The following TOP2B variants were observed in gnomAD, a reference collection of about 807,000 sequenced individuals.
TOP2B encodes DNA topoisomerase II beta, also known as DNA topoisomerase 2-beta.
A neutral mutation model predicts 193.5 loss-of-function variants in TOP2B; 51 were observed. The observed-to-expected ratio is 0.26, with a 90% CI of 0.21 to 0.33. The LOEUF (loss-of-function observed/expected upper bound fraction) is 0.33, where lower values mean the gene tolerates loss of function less well. Ranked by LOEUF, TOP2B falls within the 10% of genes least tolerant of loss-of-function variation. TOP2B has a pLI of 1.00. For missense variants in TOP2B, 1,378 were observed against 1,909.3 expected, an observed-to-expected ratio of 0.72 and a Z score of 5.19; for synonymous variants, 634 against 635.7, an observed-to-expected ratio of 1.00 and a Z score of 0.04.
intron 4 of TOP2B, among the ~76,000 whole-genome samples, chr3:25,639,157 T>C (rs1703186763): frequency 6.6e-6 from 1 of 152,208 alleles, no homozygotes; most frequent in South Asian, 2.1e-4. Flanking sequence ...TATACTATGA[T>C]TCCGTTTGTT....
chr3:25,601,365 G>A, intron 33 of TOP2B, 140 bp from the exon 34 acceptor site: 1 of 1,052,688 alleles, frequency 9.5e-7, no homozygotes, highest in African/African-American at 1.6e-5. Flanking sequence ...CACCTGTAAT[G>A]CCAGCACTCT....
At chr3:25,601,941 C>T (rs1395951302) in intron 33 of TOP2B, among the ~76,000 whole-genome samples, 1 of 151,988 alleles carries the variant, frequency 6.6e-6, no homozygotes, top group Non-Finnish European at 1.5e-5. Context: ...GAATAGAAAC[C>T]AACTCACTTC....
intron 32 of TOP2B, among the ~76,000 whole-genome samples, chr3:25,605,677 C>G (rs917022864): frequency 4.6e-5 from 7 of 152,050 alleles, no homozygotes; most frequent in Non-Finnish European, 1.0e-4. Flanking sequence ...CACTGGTGCC[C>G]TTACAGATTT....
In TOP2B at chr3:25,643,725, T is replaced by C. The variant is rs1424277978; in HGVS notation, c.300A>G (p.Pro100=). 6.2e-7 allele frequency: 1 copy of C among 1,613,306 alleles called. No homozygotes were observed. Among genetic ancestry groups the C allele is most frequent in the Non-Finnish European group, 8.5e-7 (1 of 1,179,592 alleles). Residue 100 remains proline (P), a synonymous_variant, in exon 3 of 36, where the codon CCA becomes CCG. Transcript: ENST00000264331. ...GMNCREVTFV[P]GLYKIFDEIL... is the part of the protein sequence containing the mutation. ...TTTCATCAAAGATCTTGTATAAACC[T>C]GGCACAAAGGTAACCTCCCTGCAAT... is the stretch of plus-strand genomic sequence containing the variant.
rs980344015 is a variant in TOP2B, at chr3:25,612,624, T to C, written c.3677A>G (p.Lys1226Arg). The C allele has an allele frequency of 1.4e-5, 22 of 1,613,680 alleles. No individual in the cohort carries two copies. The highest frequency in any genetic ancestry group is 1.7e-5 in the Admixed American group (1 of 60,006). The change falls in exon 28 of 36, where the codon AAG becomes AGG. Residue 1226 changes from lysine to arginine, a missense_variant. By Grantham distance (26) the Lys-to-Arg change is conservative. This residue lies in a region of TOP2B where 556 missense variants were observed against 584.2 expected (regional missense o/e 0.95). Coordinates refer to ENST00000264331, the MANE Select transcript of TOP2B (RefSeq NM_001330700.2). ...CATTGTCTCTTCCAACTGGAGTTTC[T>C]TCACCTTAGGTTTGCCAACTTTACC... ...IKGKVGKPKVKKLQLEETMPS... is the reference protein window; with the variant it reads ...IKGKVGKPKVRKLQLEETMPS...
chr3:25,599,155 G>GAC (rs1702019304), intron 35 of TOP2B, among the ~76,000 whole-genome samples: 4 of 152,076 alleles, frequency 2.6e-5, no homozygotes, highest in African/African-American at 9.7e-5. Context: ...TAATATTTTA[G>GAC]TCTGAAAGAG....
chr3:25,626,131 T>G (rs1026968950), intron 18 of TOP2B, among the ~76,000 whole-genome samples: 11 of 152,152 alleles, frequency 7.2e-5, no homozygotes, highest in Non-Finnish European at 1.5e-4. Context: ...TAAATTTTTT[T>G]CAAATTAGAA....
chr3:25,626,846 T>C lies in TOP2B; in HGVS notation c.2035A>G (p.Ile679Val). ...AITLAFSKKK[I>V]DDRKEWLTNF... ...GTTAACCATTCTTTTCTGTCATCAA[T>C]CTTCTTCTTACTAAATGCCTGAAAG... is the stretch of plus-strand genomic sequence containing the variant. Residue 679 changes from isoleucine to valine, a missense_variant, in exon 17 of 36, where the codon ATT becomes GTT. Physicochemically the swap from Ile to Val is conservative, Grantham distance 29. Around this residue, in one of 9 missense-constraint regions of TOP2B, gnomAD observed 379 missense variants for 615.1 expected, o/e 0.62. Coordinates refer to ENST00000264331, the MANE Select transcript of TOP2B (RefSeq NM_001330700.2). 6.3e-7 allele frequency: 1 copy of C among 1,598,130 alleles called. No homozygotes were observed. The highest frequency in any genetic ancestry group is 8.5e-7 in the Non-Finnish European group (1 of 1,173,050).
chr3:25,664,417 G>T lies in TOP2B; in HGVS notation c.-120C>A. ...CACTCGCCGCACTCCTAGCCGCGCC[G>T]ACCCCCGCGCCCCATCGCGAAGATC... On this transcript the variant is annotated 5_prime_UTR_variant, in exon 1 of 36. Coordinates refer to ENST00000264331, the MANE Select transcript of TOP2B (RefSeq NM_001330700.2). 7.8e-7 allele frequency: 1 copy of T among 1,285,782 alleles called. No individual in the cohort carries two copies. The highest frequency in any genetic ancestry group is 9.8e-7 in the Non-Finnish European group (1 of 1,022,690). 79.6% of individuals were successfully genotyped at this position (1,285,782 alleles called of 1,614,324 possible). A position where few individuals can be genotyped will look rare whatever the true frequency, so the allele number is the denominator to read the frequency against.
At chr3:25,654,913 G>C (rs1703702252) in intron 1 of TOP2B, among the ~76,000 whole-genome samples, 1 of 152,092 alleles carries the variant, frequency 6.6e-6, no homozygotes, top group Admixed American at 6.5e-5. Context: ...AATTAACATA[G>C]ATTAAAGACC....
chr3:25,645,212 G>A (rs1703381881), intron 2 of TOP2B, 88 bp downstream of exon 2: 1 of 1,219,506 alleles, frequency 8.2e-7, no homozygotes, highest in African/African-American at 1.5e-5. Context: ...AATTTCCAAA[G>A]CAAGTAATTA....
chr3:25,612,383 G>A lies in TOP2B; in HGVS notation c.3786+132C>T, dbSNP rs76516910. On this transcript the variant is annotated intron_variant, in intron 28 of 35. Transcript: ENST00000264331. ...CTATAGATCAACTGCTGTCATAGAA[G>A]GATTTCCTATTACCATTGAAATATA... The A allele has an allele frequency of 1.9e-3, 1,185 of 636,364 alleles. 12 individuals are homozygous for A. The African/African-American group carries it at 0.02, about 11-fold the overall frequency. 39.4% of individuals were successfully genotyped at this position (636,364 alleles called of 1,614,324 possible). A position where few individuals can be genotyped will look rare whatever the true frequency, so the allele number is the denominator to read the frequency against.
intron 33 of TOP2B, among the ~76,000 whole-genome samples, chr3:25,601,824 G>C (rs1003084741): frequency 6.6e-6 from 1 of 152,104 alleles, no homozygotes; most frequent in African/African-American, 2.4e-5. Flanking sequence ...CATGACAAAA[G>C]AGTAGCATAT....
At chr3:25,617,747 TTTTC>T (rs1702543057) in intron 25 of TOP2B, among the ~76,000 whole-genome samples, 1 of 152,184 alleles carries the variant, frequency 6.6e-6, no homozygotes, top group South Asian at 2.1e-4. Context: ...TTGCTTAAAT[TTTTC>T]TTTTAGTTAT....
intron 6 of TOP2B, among the ~76,000 whole-genome samples, chr3:25,636,765 C>T (rs548235127): frequency 2.6e-5 from 4 of 151,910 alleles, no homozygotes; most frequent in East Asian, 1.9e-4. Flanking sequence ...ACTTCAACAA[C>T]GGGGTTGCTG....
intron 2 of TOP2B, 25 bp from the exon 3 acceptor site, chr3:25,643,809 T>A: frequency 2.6e-6 from 4 of 1,552,398 alleles, no homozygotes; most frequent in Non-Finnish European, 3.6e-6. Context: ...TCAAAAAAAA[T>A]TTTACTCAAT....
chr3:25,662,253 A>G (rs1403178294), intron 1 of TOP2B, among the ~76,000 whole-genome samples: 2 of 152,216 alleles, frequency 1.3e-5, no homozygotes, highest in African/African-American at 4.8e-5. Flanking sequence ...TGTGTTGGAG[A>G]GACAGTATCT....
rs184504665 is a variant in TOP2B at position 25,640,798 on chromosome 3, C to T, written c.395+1524G>A. Among the ~76,000 whole-genome samples the T allele has an allele frequency of 4.8e-5, 7 of 145,108 alleles. No homozygotes were observed. In the East Asian group the frequency reaches 1.0e-3, roughly 21 times the overall value. On this transcript the variant is annotated intron_variant, in intron 4 of 35. Coordinates refer to ENST00000264331, the MANE Select transcript of TOP2B (RefSeq NM_001330700.2). ...TTTGAGATGGGGTCTCGCTCTGTCG[C>T]CCAGGCTAGAGTACAGTGGCACAAT...
At chr3:25,607,041 C>A (rs1702252470) in intron 31 of TOP2B, 130 bp downstream of exon 31, 2 of 1,330,384 alleles carry the variant, frequency 1.5e-6, no homozygotes, top group Non-Finnish European at 2.0e-6. Context: ...GCAATATTAA[C>A]AAGATTGATT....
Sources: allele counts gnomAD v4.1 joint callset (sites outside exome capture counted in the v4.1 genomes callset), GRCh38; gene constraint gnomAD v4.1.1; regional missense constraint gnomAD v4.1.1; transcripts MANE v1.5; gene names NCBI Gene and HGNC (gene_info 2026-07-23, HGNC 2026-07-21).